Variants in CSMD1 observed in about 807,000 individuals in gnomAD.
CSMD1 encodes the protein CUB and Sushi multiple domains 1, also known as CUB and sushi domain-containing protein 1.
Under a neutral mutation model 417.5 loss-of-function variants are expected in CSMD1, and 213 were observed. The observed-to-expected ratio is 0.51, with a 90% confidence interval of 0.46 to 0.57. CSMD1 has a LOEUF of 0.57. Ranked by LOEUF, CSMD1 falls within the 20% of genes least tolerant of loss-of-function variation. CSMD1 has a pLI of 0.00. For synonymous variants in CSMD1, 2,862 were observed against 1,736.8 expected (o/e 1.65, Z -16.11); for missense variants, 6,923 against 4,529.7 (o/e 1.53, Z -15.17).
chr8:3,257,352 T>A (rs980558230), intron 26 of CSMD1, among the ~76,000 whole-genome samples: 4 of 152,234 alleles, frequency 2.6e-5, no homozygotes, highest in Non-Finnish European at 5.9e-5. Flanking sequence ...TCTGAGTGCC[T>A]ACTGCATGTC....
intron 3 of CSMD1, among the ~76,000 whole-genome samples, chr8:4,322,157 T>C (rs1297574006): frequency 6.6e-6 from 1 of 152,214 alleles, no homozygotes; most frequent in Non-Finnish European, 1.5e-5. Flanking sequence ...ACATTTGAAA[T>C]AACATTGCTA....
chr8:4,330,501 G>T (rs944634299), intron 3 of CSMD1, among the ~76,000 whole-genome samples: 1 of 151,542 alleles, frequency 6.6e-6, no homozygotes, highest in East Asian at 2.0e-4. Context: ...GAGACAGGAG[G>T]ATCACTTGAA....
At chr8:4,662,164 A>C (rs144561403) in intron 1 of CSMD1, among the ~76,000 whole-genome samples, 4 of 151,824 alleles carry the variant, frequency 2.6e-5, no homozygotes, top group South Asian at 2.1e-4. Context: ...GGAAATGAAA[A>C]CCCCCTATTA....
chr8:3,749,755 G>T (rs996608728), intron 6 of CSMD1, among the ~76,000 whole-genome samples: 8 of 151,722 alleles, frequency 5.3e-5, no homozygotes, highest in African/African-American at 1.9e-4. Flanking sequence ...ACGAAATATT[G>T]TATGTGAGAG....
intron 3 of CSMD1, among the ~76,000 whole-genome samples, chr8:4,154,417 G>T (rs542468244): frequency 6.6e-6 from 1 of 152,208 alleles, no homozygotes; most frequent in Non-Finnish European, 1.5e-5. Context: ...AAGGCATTTA[G>T]CAGATGCCAC....
At chr8:4,348,956 C>T (rs373248194) in intron 3 of CSMD1, among the ~76,000 whole-genome samples, 3 of 152,138 alleles carry the variant, frequency 2.0e-5, no homozygotes, top group African/African-American at 7.2e-5. Context: ...CCTCAGAATA[C>T]TCTTGAATTG....
At chr8:3,509,845 A>T (rs908710461) in intron 10 of CSMD1, among the ~76,000 whole-genome samples, 2 of 152,022 alleles carry the variant, frequency 1.3e-5, no homozygotes, top group Non-Finnish European at 2.9e-5. Context: ...TCAGGAAGCA[A>T]TTATCAGGTT....
intron 3 of CSMD1, among the ~76,000 whole-genome samples, chr8:4,294,546 A>T (rs1336320467): frequency 1.3e-5 from 2 of 152,158 alleles, no homozygotes; most frequent in African/African-American, 2.4e-5. Context: ...AACACAAATC[A>T]CTTGTCCATG....
intron 5 of CSMD1, among the ~76,000 whole-genome samples, chr8:3,851,437 T>C (rs1012208764): frequency 1.3e-5 from 2 of 152,196 alleles, no homozygotes; most frequent in African/African-American, 4.8e-5. Flanking sequence ...TGCTGAGTAT[T>C]GCACTTCTAC....
intron 54 of CSMD1, among the ~76,000 whole-genome samples, chr8:2,991,319 A>C (rs1806365414): frequency 6.6e-6 from 1 of 152,248 alleles, no homozygotes; most frequent in Admixed American, 6.5e-5. Context: ...GTAACAGGGT[A>C]AGGACTAAAA....
chr8:4,799,123 G>A (rs1010589678), intron 1 of CSMD1, among the ~76,000 whole-genome samples: 6 of 152,128 alleles, frequency 3.9e-5, no homozygotes, highest in African/African-American at 9.7e-5. Context: ...ACGCCCCTGG[G>A]ATCTTGATCA....
chr8:3,656,867 G>T (rs866317711), intron 7 of CSMD1, among the ~76,000 whole-genome samples: 6 of 151,828 alleles, frequency 4.0e-5, no homozygotes, highest in African/African-American at 1.5e-4. Flanking sequence ...AGAGGTGGCA[G>T]TGAGCCAAGA....
chr8:4,527,767 G>T (rs1414239060), intron 2 of CSMD1, among the ~76,000 whole-genome samples: 1 of 152,176 alleles, frequency 6.6e-6, no homozygotes, highest in African/African-American at 2.4e-5. Flanking sequence ...TACAATCGTA[G>T]CTATTCATTC....
chr8:4,752,365 C>A (rs1434671132), intron 1 of CSMD1, among the ~76,000 whole-genome samples: 4 of 152,088 alleles, frequency 2.6e-5, no homozygotes, highest in Admixed American at 2.6e-4. Flanking sequence ...TTCTCTTGAA[C>A]AATAGATGAA....
At chr8:3,096,737 A>G in intron 47 of CSMD1, 112 bp downstream of exon 47, 3 of 773,210 alleles carry the variant, frequency 3.9e-6, no homozygotes, top group Non-Finnish European at 6.1e-6. Context: ...GCTTTGGGAA[A>G]ACATAAGTTA....
At chr8:4,349,760 T>A (rs10091558) in intron 3 of CSMD1, among the ~76,000 whole-genome samples, 28,281 of 152,008 alleles carry the variant, frequency 0.19, 2,757 homozygotes, top group Middle Eastern at 0.22. Flanking sequence ...CCCAAATGAA[T>A]CTTTCCTCCA....
intron 1 of CSMD1, among the ~76,000 whole-genome samples, chr8:4,733,571 G>C (rs983938565): frequency 6.6e-6 from 1 of 152,184 alleles, no homozygotes; most frequent in Non-Finnish European, 1.5e-5. Flanking sequence ...GCTATGTGGT[G>C]TAAGACGTTA....
At chr8:3,533,489 C>T in intron 10 of CSMD1, among the ~76,000 whole-genome samples, 1 of 152,094 alleles carries the variant, frequency 6.6e-6, no homozygotes, top group East Asian at 1.9e-4. Flanking sequence ...AAGTATTTGT[C>T]CTGTGAGCAG....
intron 3 of CSMD1, among the ~76,000 whole-genome samples, chr8:4,301,312 T>C (rs903942118): frequency 6.6e-6 from 1 of 152,206 alleles, no homozygotes; most frequent in African/African-American, 2.4e-5. Context: ...AAAATACCAG[T>C]GCCATGACCT....
Sources: allele counts gnomAD v4.1 joint callset (sites outside exome capture counted in the v4.1 genomes callset), GRCh38; gene constraint gnomAD v4.1.1; transcripts MANE v1.5; gene names NCBI Gene and HGNC (gene_info 2026-07-23, HGNC 2026-07-21).